Variants in LUC7L2 observed in about 807,000 individuals in gnomAD.
LUC7L2 encodes the protein putative RNA-binding protein Luc7-like 2.
LUC7L2 carries 25 observed loss-of-function variants against 52.8 expected under a neutral mutation model. That is an observed-to-expected ratio of 0.47 (90% CI 0.34 to 0.66). The LOEUF is 0.66. Among genes scored for constraint, LUC7L2 ranks in the 30% least tolerant of loss-of-function variants. The pLI, the probability that LUC7L2 is intolerant of heterozygous loss-of-function variation, is 0.01. For synonymous variants in LUC7L2, 144 were observed against 160.9 expected, an observed-to-expected ratio of 0.89 and a Z score of 0.80; for missense variants, 328 against 497.8, an observed-to-expected ratio of 0.66 and a Z score of 3.25.
intron 2 of LUC7L2, among the ~76,000 whole-genome samples, chr7:139,392,893 A>T (rs1468688935): frequency 6.6e-6 from 1 of 151,942 alleles, no homozygotes; most frequent in Non-Finnish European, 1.5e-5. Context: ...ACCTCAGGTG[A>T]TCTGCCCGCC....
intron 9 of LUC7L2, among the ~76,000 whole-genome samples, chr7:139,419,787 A>G (rs546432086): frequency 1.3e-5 from 2 of 152,358 alleles, no homozygotes; most frequent in East Asian, 1.9e-4. Context: ...ATGTTCATAA[A>G]GAGGATTATT....
intron 2 of LUC7L2, among the ~76,000 whole-genome samples, chr7:139,397,388 A>G (rs1388323328): frequency 1.3e-5 from 2 of 152,230 alleles, no homozygotes; most frequent in African/African-American, 2.4e-5. Flanking sequence ...GACTTTGTTC[A>G]TAGACATGAT....
At position 139,384,633 on chromosome 7, in the gene LUC7L2, A is replaced by C. The variant is rs1331416797; in HGVS notation, c.156+8477A>C. 2.0e-5 allele frequency among the ~76,000 whole-genome samples: 3 copies of C among 150,988 alleles called. No individual in the cohort carries two copies. The East Asian group carries it at 5.8e-4, about 29-fold the overall frequency. ...TAAAATTTTACTATTAAACCTTAAA[A>C]ACCAAGGCTTTAATCGTTTAAAACA... On this transcript the variant is annotated intron_variant, in intron 2 of 9. Transcript: ENST00000354926.
rs551831079 is a variant in LUC7L2 at position 139,410,361 on chromosome 7, T to A, written c.779+707T>A. On this transcript the variant is annotated intron_variant, in intron 7 of 9. Transcript: ENST00000354926. ...AAGGGTGGTTGTTTCATTGAAGGGT[T>A]TTTTTTACATTGAACTTTGGTTAGT... Among the ~76,000 whole-genome samples the A allele has an allele frequency of 2.0e-5, 3 of 152,294 alleles. No individual in the cohort carries two copies. The South Asian group carries it at 6.2e-4, about 32-fold the overall frequency.
At chr7:139,349,625 C>T (rs556614471) in intron 1 of LUC7L2, among the ~76,000 whole-genome samples, 1 of 143,188 alleles carries the variant, frequency 7.0e-6, no homozygotes, top group Admixed American at 7.0e-5. Context: ...CCCCCCCCCC[C>T]CACCGGATTT....
At chr7:139,341,028 A>G (rs767650897) in intron 1 of LUC7L2, 35 of 214,852 alleles carry the variant, frequency 1.6e-4, no homozygotes, top group Non-Finnish European at 3.2e-4. Flanking sequence ...TCCATATCAA[A>G]TCCACACCCA....
intron 7 of LUC7L2, among the ~76,000 whole-genome samples, chr7:139,412,005 T>C (rs1035835343): frequency 4.8e-4 from 73 of 151,924 alleles, no homozygotes; most frequent in African/African-American, 1.7e-3. Flanking sequence ...ACTTCTTGAG[T>C]GCTGGCAGCA....
intron 2 of LUC7L2, among the ~76,000 whole-genome samples, chr7:139,377,604 G>A (rs948122861): frequency 1.2e-4 from 18 of 152,056 alleles, no homozygotes; most frequent in African/African-American, 4.3e-4. Flanking sequence ...ATGTTGGCCA[G>A]GCTGGTCTCG....
intron 1 of LUC7L2, among the ~76,000 whole-genome samples, chr7:139,368,355 T>G (rs140889882): frequency 1.3e-5 from 2 of 152,184 alleles, no homozygotes; most frequent in African/African-American, 4.8e-5. Flanking sequence ...TGTCTGCATT[T>G]AAAAAAATGT....
chr7:139,359,865 GGAAAC>G (rs1402361358), upstream of LUC7L2: 1 of 410,472 alleles, frequency 2.4e-6, no homozygotes, highest in Non-Finnish European at 4.3e-6. Flanking sequence ...AGCCCCCGCG[GGAAAC>G]GACTGAGCGC....
intron 2 of LUC7L2, among the ~76,000 whole-genome samples, chr7:139,387,902 G>A (rs1411736897): frequency 6.6e-6 from 1 of 152,166 alleles, no homozygotes; most frequent in Admixed American, 6.5e-5. Flanking sequence ...GCAGGCGTGA[G>A]CCACCATGTC....
intron 2 of LUC7L2, among the ~76,000 whole-genome samples, chr7:139,376,791 G>T (rs919578034): frequency 2.0e-5 from 3 of 152,198 alleles, no homozygotes; most frequent in African/African-American, 7.2e-5. Context: ...ATGATTACAA[G>T]TAGCTTCCCT....
At chr7:139,390,481 G>A (rs1473245435) in intron 2 of LUC7L2, among the ~76,000 whole-genome samples, 3 of 151,698 alleles carry the variant, frequency 2.0e-5, no homozygotes, top group East Asian at 1.9e-4. Context: ...CACCTGCCTC[G>A]GCCTCCCAAA....
intron 4 of LUC7L2, among the ~76,000 whole-genome samples, chr7:139,403,168 C>T (rs563766970): frequency 1.3e-5 from 2 of 152,202 alleles, no homozygotes; most frequent in African/African-American, 4.8e-5. Flanking sequence ...CTTTTAAAAG[C>T]AAATGTTAAA....
intron 1 of LUC7L2, among the ~76,000 whole-genome samples, chr7:139,360,537 G>C (rs1371684865): frequency 3.9e-5 from 6 of 152,184 alleles, no homozygotes; most frequent in African/African-American, 1.4e-4. Flanking sequence ...GCTGCCAATG[G>C]GGTGAGGCGG....
upstream of LUC7L2, among the ~76,000 whole-genome samples, chr7:139,357,886 T>A (rs921013899): frequency 2.0e-5 from 3 of 151,860 alleles, no homozygotes; most frequent in Admixed American, 6.6e-5. Context: ...AGAGACAGGG[T>A]TTCACCATGT....
At chr7:139,393,448 T>C (rs1481270493) in intron 2 of LUC7L2, among the ~76,000 whole-genome samples, 1 of 151,710 alleles carries the variant, frequency 6.6e-6, no homozygotes, top group Non-Finnish European at 1.5e-5. Flanking sequence ...TAAAAATAAA[T>C]AAATAAATAA....
At chr7:139,407,401 A>G (rs1795175125) in intron 6 of LUC7L2, 51 bp downstream of exon 6, 2 of 1,543,688 alleles carry the variant, frequency 1.3e-6, no homozygotes, top group African/African-American at 1.4e-5. Flanking sequence ...TTTGATCTGT[A>G]TCAGTTGCCT....
At chr7:139,359,303 G>A (rs992811235), upstream of LUC7L2, 1 of 152,926 alleles carries the variant, frequency 6.5e-6, no homozygotes, top group Admixed American at 6.5e-5. Context: ...CGAATGGGTC[G>A]GCGCGCCTGT....
Sources: gnomAD v4.1 joint callset for allele counts (sites outside exome capture counted in the v4.1 genomes callset) on GRCh38, gnomAD v4.1.1 for gene constraint, MANE v1.5 for transcripts, NCBI Gene and HGNC (gene_info 2026-07-23, HGNC 2026-07-21) for gene names.